Variants in CDKAL1 observed in about 807,000 individuals in gnomAD.
CDKAL1 encodes CDKAL1 threonylcarbamoyladenosine tRNA methylthiotransferase.
Under a neutral mutation model 68.2 loss-of-function variants are expected in CDKAL1, and 32 were observed. The observed-to-expected ratio is 0.47, with a 90% CI of 0.35 to 0.63. The LOEUF is 0.63. Ranked by LOEUF, CDKAL1 falls within the 30% of genes least tolerant of loss-of-function variation. The pLI, the probability that CDKAL1 is intolerant of heterozygous loss-of-function variation, is 0.00. For missense variants in CDKAL1, 606 were observed against 696.7 expected (o/e 0.87, Z 1.47); for synonymous variants, 234 against 244.3 (o/e 0.96, Z 0.39).
chr6:21,069,880 C>G (rs1021801397), intron 12 of CDKAL1, among the ~76,000 whole-genome samples: 2 of 150,524 alleles, frequency 1.3e-5, no homozygotes, highest in Non-Finnish European at 3.0e-5. Flanking sequence ...AGCTCCGCCT[C>G]CCGGGTTCAC....
Position 21,220,201 on chromosome 6 carries a change from C to CGT in CDKAL1, c.1549-10630_1549-10629dup, listed in dbSNP as rs144863478. On this transcript the variant is annotated intron_variant, in intron 15 of 15. Transcript: ENST00000274695. Reference sequence around the variant, plus strand: ...TTATGTTAAAGCTCGTGCGTGCGTGCGTGTGTGTGTGTGTGTGTTTGCGAG... The same window carrying CGT: ...TTATGTTAAAGCTCGTGCGTGCGTGCGTGTGTGTGTGTGTGTGTGTTTGCGAG... 8.6e-4 allele frequency among the ~76,000 whole-genome samples: 129 copies of CGT among 150,248 alleles called. 1 individual carries two copies. The highest frequency in any genetic ancestry group is 1.6e-3 in the Admixed American group (24 of 15,038).
At chr6:20,676,712 TAAAATAA>T (rs60056251) in intron 5 of CDKAL1, among the ~76,000 whole-genome samples, 13,819 of 151,002 alleles carry the variant, frequency 0.092, 2,062 homozygotes, top group African/African-American at 0.31. Flanking sequence ...TAAAATAAAA[TAAAATAA>T]AAAAGTCTTT....
intron 9 of CDKAL1, among the ~76,000 whole-genome samples, chr6:20,886,113 A>G (rs949875085): frequency 5.9e-5 from 9 of 152,166 alleles, no homozygotes; most frequent in Non-Finnish European, 1.2e-4. Flanking sequence ...TTGAATAGAT[A>G]TTTTTCAAAA....
intron 4 of CDKAL1, among the ~76,000 whole-genome samples, chr6:20,594,351 G>T (rs4712513): frequency 0.83 from 125,770 of 152,170 alleles, 52,587 homozygotes; most frequent in African/African-American, 0.96. Flanking sequence ...TCTGTGAATC[G>T]GGGCGCTCCT....
chr6:20,799,813 T>A (rs767824636), intron 8 of CDKAL1: 1 of 152,208 alleles, frequency 6.6e-6, no homozygotes, highest in African/African-American at 2.4e-5. Context: ...GCAATTTGTC[T>A]TGATGCTTTG....
intron 4 of CDKAL1, among the ~76,000 whole-genome samples, chr6:20,599,808 C>A (rs556487469): frequency 5.3e-4 from 81 of 152,178 alleles, no homozygotes; most frequent in African/African-American, 1.9e-3. Flanking sequence ...GTATACTGAG[C>A]AAAATGTTAA....
intron 5 of CDKAL1, among the ~76,000 whole-genome samples, chr6:20,701,980 T>G (rs536385407): frequency 6.6e-6 from 1 of 152,240 alleles, no homozygotes; most frequent in South Asian, 2.1e-4. Flanking sequence ...CTGACAGCAA[T>G]GGGATCCTTT....
chr6:20,828,210 A>G (rs1777576422), intron 8 of CDKAL1, among the ~76,000 whole-genome samples: 1 of 152,100 alleles, frequency 6.6e-6, no homozygotes, highest in Non-Finnish European at 1.5e-5. Context: ...TATAAATAGT[A>G]CTGTAATGCC....
intron 12 of CDKAL1, among the ~76,000 whole-genome samples, chr6:21,093,414 C>T (rs1412716636): frequency 1.3e-5 from 2 of 152,052 alleles, no homozygotes; most frequent in Non-Finnish European, 2.9e-5. Context: ...AAAGAAGATA[C>T]GAAGATGTGG....
intron 9 of CDKAL1, among the ~76,000 whole-genome samples, chr6:20,913,023 G>T (rs1762536295): frequency 6.6e-6 from 1 of 151,532 alleles, no homozygotes; most frequent in Non-Finnish European, 1.5e-5. Flanking sequence ...AAAAAAAAGT[G>T]TTGAGAGCAG....
chr6:20,843,863 G>A (rs1778270667), intron 8 of CDKAL1, among the ~76,000 whole-genome samples: 1 of 152,152 alleles, frequency 6.6e-6, no homozygotes, highest in East Asian at 1.9e-4. Flanking sequence ...ATTAGAAGGA[G>A]AGATGACAGG....
At chr6:20,713,304 G>T (rs1771934984) in intron 5 of CDKAL1, among the ~76,000 whole-genome samples, 1 of 152,052 alleles carries the variant, frequency 6.6e-6, no homozygotes, top group Admixed American at 6.6e-5. Context: ...AATGAATCAG[G>T]AGTGAGTTTG....
intron 8 of CDKAL1, among the ~76,000 whole-genome samples, chr6:20,835,052 A>G (rs1777873265): frequency 6.6e-6 from 1 of 152,202 alleles, no homozygotes; most frequent in Admixed American, 6.5e-5. Flanking sequence ...ATATAAAATT[A>G]TTGAAAACCA....
intron 4 of CDKAL1, among the ~76,000 whole-genome samples, chr6:20,554,816 C>G (rs2127662249): frequency 6.6e-6 from 1 of 152,224 alleles, no homozygotes; most frequent in South Asian, 2.1e-4. Context: ...TGCAGCCATG[C>G]CTGGTGTGAA....
At chr6:20,942,935 CAG>C (rs1764054015) in intron 9 of CDKAL1, among the ~76,000 whole-genome samples, 1 of 120,220 alleles carries the variant, frequency 8.3e-6, no homozygotes, top group South Asian at 2.8e-4. Context: ...AGCCTGGTGA[CAG>C]AGCAAGATTC....
intron 11 of CDKAL1, among the ~76,000 whole-genome samples, chr6:21,021,558 AAGTTGAACGTAC>A (rs1380455690): frequency 1.3e-5 from 2 of 152,180 alleles, no homozygotes; most frequent in African/African-American, 4.8e-5. Context: ...AAATGCCCCT[AAGTTGAACGTAC>A]AGTTCAGTGG....
chr6:21,069,764 G>C (rs1041425386), intron 12 of CDKAL1, among the ~76,000 whole-genome samples: 3 of 102,858 alleles, frequency 2.9e-5, no homozygotes, highest in African/African-American at 1.1e-4. Flanking sequence ...AAATCCCCCA[G>C]ATTTTCTTTC....
rs527377625 is a variant in CDKAL1, at chr6:21,069,875, C to T, written c.1236+4647C>T. ...CGCCATCTCAGCTCACTGCAAGCTC[C>T]GCCTCCCGGGTTCACGCCATTCTTC... is the stretch of plus-strand genomic sequence containing the variant. On this transcript the variant is annotated intron_variant, in intron 12 of 15. Transcript: ENST00000274695. 2.5e-4 allele frequency among the ~76,000 whole-genome samples: 37 copies of T among 147,168 alleles called. 2 individuals are homozygous for T. Among genetic ancestry groups the T allele is most frequent in the African/African-American group, 8.5e-4 (34 of 40,188 alleles).
chr6:21,212,519 G>C (rs1467133194), intron 15 of CDKAL1, among the ~76,000 whole-genome samples: 1 of 152,106 alleles, frequency 6.6e-6, no homozygotes. Flanking sequence ...TAGTTTCCTA[G>C]TTTCCCTTCT....
Sources: gnomAD v4.1 joint callset for allele counts (sites outside exome capture counted in the v4.1 genomes callset) on GRCh38, gnomAD v4.1.1 for gene constraint, MANE v1.5 for transcripts, NCBI Gene and HGNC (gene_info 2026-07-23, HGNC 2026-07-21) for gene names.